The following TMEM132C variants were observed in gnomAD, a reference collection of about 807,000 sequenced individuals.
TMEM132C encodes transmembrane protein 132C, also known as protein phosphatase 1, regulatory subunit 152.
In TMEM132C, 29 loss-of-function variants were observed where a neutral mutation model predicts 61.4. The observed-to-expected ratio is 0.47, with a 90% CI of 0.35 to 0.64. The LOEUF is 0.64. Among genes scored for constraint, TMEM132C ranks in the 30% least tolerant of loss-of-function variants. The pLI is 0.00. For synonymous variants in TMEM132C, 656 were observed against 633.1 expected, an observed-to-expected ratio of 1.04 and a Z score of -0.54; for missense variants, 1,408 against 1,476.9, an observed-to-expected ratio of 0.95 and a Z score of 0.76.
At chr12:128,298,336 G>A (rs991394036) in intron 1 of TMEM132C, among the ~76,000 whole-genome samples, 6 of 152,168 alleles carry the variant, frequency 3.9e-5, no homozygotes, top group African/African-American at 9.7e-5. Flanking sequence ...TGTTCCTTCC[G>A]AAAGGGCAAC....
intron 4 of TMEM132C, among the ~76,000 whole-genome samples, chr12:128,616,732 T>C (rs11059793): frequency 0.24 from 36,286 of 152,094 alleles, 5,133 homozygotes; most frequent in Admixed American, 0.33. Flanking sequence ...CCTCTTTCCT[T>C]AGGATGATGG....
intron 1 of TMEM132C, among the ~76,000 whole-genome samples, chr12:128,287,923 A>T (rs1245356065): frequency 7.9e-5 from 12 of 152,036 alleles, no homozygotes; most frequent in Admixed American, 7.9e-4. Flanking sequence ...GTTGATTTGG[A>T]GGTAATAGCT....
chr12:128,667,358 C>T (rs1954489106), intron 4 of TMEM132C, among the ~76,000 whole-genome samples: 1 of 152,158 alleles, frequency 6.6e-6, no homozygotes, highest in Admixed American at 6.5e-5. Context: ...AAGCACATTA[C>T]CTGTAATGAA....
intron 1 of TMEM132C, among the ~76,000 whole-genome samples, chr12:128,276,262 A>G (rs1049612062): frequency 6.6e-6 from 1 of 152,220 alleles, no homozygotes; most frequent in Non-Finnish European, 1.5e-5. Context: ...AGCCATGGAG[A>G]AGAAGAATCC....
intron 3 of TMEM132C, among the ~76,000 whole-genome samples, chr12:128,582,513 C>T (rs570683961): frequency 3.3e-5 from 5 of 151,682 alleles, no homozygotes; most frequent in East Asian, 1.9e-4. Flanking sequence ...ATTGTGCTCC[C>T]ATAATTCCCA....
chr12:128,411,564 C>T (rs1267034890), intron 1 of TMEM132C, among the ~76,000 whole-genome samples: 2 of 152,148 alleles, frequency 1.3e-5, no homozygotes, highest in Admixed American at 1.3e-4. Context: ...AAGGGCCCTT[C>T]CTCTTTTCTG....
Position 128,312,017 on chromosome 12 carries a change from C to T in TMEM132C, c.85+44530C>T, listed in dbSNP as rs149987001. Among the ~76,000 whole-genome samples, 632 of 152,298 alleles carry T rather than the reference C, an allele frequency of 4.1e-3. 5 individuals carry two copies. The highest frequency in any genetic ancestry group is 0.014 in the African/African-American group (593 of 41,580). ...AGCTGTGCTGAAAGGGACCCCGGAG[C>T]GGGGCTGACTCGGTTTGCAAAGTCG... On this transcript the variant is annotated intron_variant, in intron 1 of 8. Coordinates refer to ENST00000435159, the MANE Select transcript of TMEM132C (RefSeq NM_001136103.3).
intron 1 of TMEM132C, among the ~76,000 whole-genome samples, chr12:128,295,054 T>C (rs1871363253): frequency 1.8e-5 from 2 of 113,300 alleles, no homozygotes; most frequent in African/African-American, 3.2e-5. Flanking sequence ...AAAAAAAAAA[T>C]TAAAAAATTG....
Position 128,676,222 on chromosome 12 carries a change from C to T in TMEM132C, c.1449+6662C>T, listed in dbSNP as rs375673294. Among the ~76,000 whole-genome samples, 14 of 152,226 alleles carry T rather than the reference C, an allele frequency of 9.2e-5. 1 individual carries two copies. The South Asian group carries it at 2.3e-3, about 25-fold the overall frequency. ...TCCTTAGCATTGCCCTGTCTTTTAACGCACAGAATACTCTTGAGAAATACA... is the reference window on the plus strand; with the variant it reads ...TCCTTAGCATTGCCCTGTCTTTTAATGCACAGAATACTCTTGAGAAATACA... On this transcript the variant is annotated intron_variant, in intron 5 of 8. Coordinates refer to ENST00000435159, the MANE Select transcript of TMEM132C (RefSeq NM_001136103.3).
chr12:128,522,450 C>T (rs570798640), intron 2 of TMEM132C, among the ~76,000 whole-genome samples: 1 of 152,332 alleles, frequency 6.6e-6, no homozygotes, highest in East Asian at 1.9e-4. Flanking sequence ...CTATCAGTCT[C>T]TTCTTGGCAT....
intron 1 of TMEM132C, among the ~76,000 whole-genome samples, chr12:128,318,725 G>A (rs1872229319): frequency 1.3e-5 from 2 of 152,152 alleles, no homozygotes; most frequent in African/African-American, 4.8e-5. Flanking sequence ...ACTTAATTGG[G>A]GTTTTATCAA....
intron 1 of TMEM132C, among the ~76,000 whole-genome samples, chr12:128,407,845 G>A (rs908374526): frequency 6.6e-6 from 1 of 152,306 alleles, no homozygotes; most frequent in Non-Finnish European, 1.5e-5. Flanking sequence ...TTATGCAAAG[G>A]TTGTAGATAA....
intron 1 of TMEM132C, among the ~76,000 whole-genome samples, chr12:128,385,552 A>G (rs1259685530): frequency 1.3e-5 from 2 of 152,234 alleles, no homozygotes; most frequent in African/African-American, 4.8e-5. Flanking sequence ...GAGGGCCGCT[A>G]TAAGAGACCT....
At chr12:128,280,629 G>A (rs1224383534) in intron 1 of TMEM132C, among the ~76,000 whole-genome samples, 1 of 152,182 alleles carries the variant, frequency 6.6e-6, no homozygotes, top group Non-Finnish European at 1.5e-5. Flanking sequence ...GGCATCAGAT[G>A]TGACTTGATC....
chr12:128,295,964 C>G (rs1683703), intron 1 of TMEM132C, among the ~76,000 whole-genome samples: 34,743 of 152,144 alleles, frequency 0.23, 4,471 homozygotes, highest in East Asian at 0.5. Flanking sequence ...ACATAATAAG[C>G]AGTGAAATGC....
At chr12:128,365,011 G>A (rs1488618453) in intron 1 of TMEM132C, among the ~76,000 whole-genome samples, 2 of 152,174 alleles carry the variant, frequency 1.3e-5, no homozygotes, top group African/African-American at 2.4e-5. Flanking sequence ...TTTATGTTGC[G>A]GGTTTCAGAT....
At chr12:128,598,510 CA>C (rs1876051056) in intron 3 of TMEM132C, among the ~76,000 whole-genome samples, 1 of 152,054 alleles carries the variant, frequency 6.6e-6, no homozygotes, top group Non-Finnish European at 1.5e-5. Context: ...AGCAATGATG[CA>C]GGATCCCACC....
intron 4 of TMEM132C, among the ~76,000 whole-genome samples, chr12:128,622,360 A>AAAAAAAAAAAAATATAT (rs1277080166): frequency 3.3e-5 from 1 of 30,116 alleles, no homozygotes; most frequent in African/African-American, 1.7e-4. Context: ...AAAAAAAAAA[A>AAAAAAAAAAAAATATAT]ATATATATAT....
Position 128,696,049 on chromosome 12 carries a change from C to T in TMEM132C, c.1875C>T (p.Thr625=). The change falls in exon 7 of 9, where the codon ACC becomes ACT. Residue 625 remains threonine (T), a synonymous_variant. Transcript: ENST00000435159. ...FMKLEEPHVA[T]LQDSRVLVGR... is the part of the protein sequence containing the mutation. ...AGCTGGAGGAACCTCACGTGGCCAC[C>T]CTCCAGGACAGCCGGGTCCTGGTTG... The T allele has an allele frequency of 6.4e-7, 1 of 1,551,716 alleles. No individual in the cohort carries two copies. The highest frequency in any genetic ancestry group is 8.7e-7 in the Non-Finnish European group (1 of 1,147,002).
Sources: gnomAD v4.1 joint callset for allele counts (sites outside exome capture counted in the v4.1 genomes callset) on GRCh38, gnomAD v4.1.1 for gene constraint, MANE v1.5 for transcripts, NCBI Gene and HGNC (gene_info 2026-07-23, HGNC 2026-07-21) for gene names.